The following CHM variants were observed in gnomAD, a reference collection of about 807,000 sequenced individuals.
The protein encoded by CHM is rab proteins geranylgeranyltransferase component A 1.
CHM carries 10 observed loss-of-function variants against 49.0 expected under a neutral mutation model. The observed-to-expected ratio is 0.20, with a 90% CI of 0.13 to 0.35. The LOEUF (loss-of-function observed/expected upper bound fraction) is 0.35. Among genes scored for constraint, CHM ranks in the 10% least tolerant of loss-of-function variants. The pLI is 1.00. For synonymous variants in CHM, 184 were observed against 167.5 expected (o/e 1.10, Z -0.76); for missense variants, 455 against 478.4 (o/e 0.95, Z 0.46).
At chrX:85,864,944 G>A in intron 14 of CHM, 123 bp from the exon 15 acceptor site, 1 of 601,887 alleles carries the variant, frequency 1.7e-6, no homozygotes, top group Non-Finnish European at 2.7e-6. Flanking sequence ...ACAGGCTACA[G>A]TACTTAATCA....
chrX:85,955,890 T>C (rs1453297818), intron 8 of CHM, among the ~76,000 whole-genome samples: 4 of 112,083 alleles, frequency 3.6e-5, no homozygotes, highest in African/African-American at 1.3e-4. Flanking sequence ...ACTAAAATTA[T>C]ATGCAATGAC....
In CHM at chrX:85,861,699, G is replaced by C; in HGVS notation, c.*2931C>G. The C allele has an allele frequency of 9.0e-6, 1 of 111,144 alleles. No homozygotes were observed. Among genetic ancestry groups the C allele is most frequent in the East Asian group, 2.8e-4 (1 of 3,557 alleles). The allele number at this position is 111,144 out of a possible 1,213,427, so 9.2% of individuals were successfully genotyped here. On this transcript the variant is annotated 3_prime_UTR_variant, in exon 15 of 15. Coordinates refer to ENST00000357749, the MANE Select transcript of CHM (RefSeq NM_000390.4). ...TTTTTCTGAGCAGGCACACCAACTAGGAAAAAATACAATAGCAACATAGGA... is the reference window on the plus strand; with the variant it reads ...TTTTTCTGAGCAGGCACACCAACTACGAAAAAATACAATAGCAACATAGGA...
At chrX:85,958,137 T>A (rs906162995) in intron 6 of CHM, among the ~76,000 whole-genome samples, 162 bp from the exon 7 acceptor site, 1 of 111,974 alleles carries the variant, frequency 8.9e-6, no homozygotes, top group African/African-American at 3.3e-5. Context: ...CTCTGCTAAC[T>A]TCAGAGCTAA....
At position 85,861,723 on chromosome X, in the gene CHM, G is replaced by A. The variant is rs1923360819; in HGVS notation, c.*2907C>T. ...AGGAAAAAATACAATAGCAACATAG[G>A]ATTAGGTATTGCTTCTCATACTGAT... On this transcript the variant is annotated 3_prime_UTR_variant, in exon 15 of 15. Coordinates refer to ENST00000357749, the MANE Select transcript of CHM (RefSeq NM_000390.4). The A allele has an allele frequency of 9.0e-6, 1 of 111,391 alleles. No homozygotes were observed. Among genetic ancestry groups the A allele is most frequent in the African/African-American group, 3.3e-5 (1 of 30,669 alleles). The allele number at this position is 111,391 out of a possible 1,213,427, so 9.2% of individuals were successfully genotyped here. A position where few individuals can be genotyped will look rare whatever the true frequency, so the allele number is the denominator to read the frequency against.
At chrX:85,991,755 GT>G (rs35959265) in intron 2 of CHM, among the ~76,000 whole-genome samples, 340 of 105,534 alleles carry the variant, frequency 3.2e-3, no homozygotes, top group African/African-American at 0.01. Context: ...CAACAAACAT[GT>G]TTTTTTTTTT....
At chrX:85,889,342 T>C (rs973961223) in intron 12 of CHM, among the ~76,000 whole-genome samples, 2 of 111,661 alleles carry the variant, frequency 1.8e-5, no homozygotes, top group African/African-American at 6.5e-5. Context: ...ATCCAAAATC[T>C]ATAAAAAACT....
intron 2 of CHM, among the ~76,000 whole-genome samples, chrX:86,018,598 C>T (rs1456542231): frequency 8.9e-6 from 1 of 112,359 alleles, no homozygotes; most frequent in Non-Finnish European, 1.9e-5. Flanking sequence ...GTTCCCATAG[C>T]AATTTTATCT....
intron 12 of CHM, among the ~76,000 whole-genome samples, chrX:85,883,858 C>T (rs1198768482): frequency 1.8e-5 from 2 of 110,306 alleles, no homozygotes; most frequent in African/African-American, 6.6e-5. Flanking sequence ...AGATAACTAA[C>T]ATCCTGTAAC....
chrX:85,907,435 A>G (rs1926672245), intron 9 of CHM, among the ~76,000 whole-genome samples: 2 of 112,632 alleles, frequency 1.8e-5, no homozygotes, highest in Admixed American at 1.9e-4. Flanking sequence ...TGCAAAGGAA[A>G]AGAAAACTGT....
chrX:86,009,960 G>A (rs1011708497), intron 2 of CHM, among the ~76,000 whole-genome samples: 2 of 109,751 alleles, frequency 1.8e-5, no homozygotes, highest in African/African-American at 6.7e-5. Flanking sequence ...ATGATAGACT[G>A]GATAAAGAAA....
intron 8 of CHM, among the ~76,000 whole-genome samples, chrX:85,912,401 T>G (rs1927080206): frequency 9.0e-6 from 1 of 111,318 alleles, no homozygotes; most frequent in South Asian, 3.8e-4. Context: ...TTACTTTGAG[T>G]GAGCAGACAA....
In CHM at chrX:86,006,657, T is replaced by C. The variant is rs1010611648; in HGVS notation, c.116+20834A>G. Among the ~76,000 whole-genome samples the C allele has an allele frequency of 5.4e-5, 6 of 111,411 alleles. No homozygotes were observed. The East Asian group carries it at 1.1e-3, about 21-fold the overall frequency. ...CAAATCATGAGTGAACTCCCATTCA[T>C]AATTGCTACAAAGAGAATAAAATAC... On this transcript the variant is annotated intron_variant, in intron 2 of 14. Coordinates refer to ENST00000357749, the MANE Select transcript of CHM (RefSeq NM_000390.4).
At chrX:85,928,720 T>C (rs1395163580) in intron 8 of CHM, among the ~76,000 whole-genome samples, 1 of 111,475 alleles carries the variant, frequency 9.0e-6, no homozygotes, top group Non-Finnish European at 1.9e-5. Flanking sequence ...AAATGAACAG[T>C]AGGTCTTTGC....
At chrX:85,981,228 ATATTT>A (rs1175226024) in intron 3 of CHM, among the ~76,000 whole-genome samples, 9 of 54,304 alleles carry the variant, frequency 1.7e-4, no homozygotes, top group East Asian at 5.8e-4. Context: ...ATAGACACAC[ATATTT>A]TTTTTTTTTT....
intron 2 of CHM, among the ~76,000 whole-genome samples, chrX:85,997,414 C>G (rs929428528): frequency 8.9e-6 from 1 of 111,794 alleles, no homozygotes; most frequent in African/African-American, 3.3e-5. Context: ...CAACTGCTTT[C>G]TAATTATATT....
At chrX:85,916,287 A>G (rs1049559859) in intron 8 of CHM, among the ~76,000 whole-genome samples, 1 of 112,207 alleles carries the variant, frequency 8.9e-6, no homozygotes, top group African/African-American at 3.2e-5. Context: ...TACACCATAT[A>G]TATATCTAAA....
intron 9 of CHM, among the ~76,000 whole-genome samples, chrX:85,911,022 T>C (rs1302302796): frequency 2.2e-5 from 2 of 90,855 alleles, no homozygotes; most frequent in Non-Finnish European, 4.3e-5. Context: ...TTACTTTTAA[T>C]CAAGGTTGAT....
intron 12 of CHM, among the ~76,000 whole-genome samples, chrX:85,881,518 G>A (rs1330994425): frequency 8.9e-6 from 1 of 111,951 alleles, no homozygotes; most frequent in East Asian, 2.8e-4. Flanking sequence ...GGGATGGGGG[G>A]CTATGCAGAT....
At chrX:85,873,276 G>A in intron 13 of CHM, 64 bp from the exon 14 acceptor site, 1 of 824,923 alleles carries the variant, frequency 1.2e-6, no homozygotes, top group Non-Finnish European at 1.7e-6. Context: ...TTACTACACT[G>A]TGTAGCCTAT....
Sources: allele counts gnomAD v4.1 joint callset (sites outside exome capture counted in the v4.1 genomes callset), GRCh38; gene constraint gnomAD v4.1.1; transcripts MANE v1.5; gene names NCBI Gene and HGNC (gene_info 2026-07-23, HGNC 2026-07-21).